Variants in CSMD3 observed in about 807,000 individuals in gnomAD.
CSMD3 encodes CUB and Sushi multiple domains 3.
CSMD3 carries 177 observed loss-of-function variants against 435.2 expected under a neutral mutation model. The observed-to-expected ratio is 0.41, with a 90% CI of 0.36 to 0.46. The LOEUF (loss-of-function observed/expected upper bound fraction) is 0.46. Among genes scored for constraint, CSMD3 ranks in the 20% least tolerant of loss-of-function variants. CSMD3 has a pLI of 0.34. For missense variants in CSMD3, 4,265 were observed against 4,504.6 expected (o/e 0.95, Z 1.52); for synonymous variants, 1,656 against 1,520.5 (o/e 1.09, Z -2.07).
chr8:112,353,936 G>C (rs2131298), intron 38 of CSMD3, among the ~76,000 whole-genome samples: 65,277 of 151,876 alleles, frequency 0.43, 14,667 homozygotes, highest in Middle Eastern at 0.54. Context: ...AACACAGTTC[G>C]TAAAATCCTC....
At chr8:112,613,036 G>T (rs1833389535) in intron 22 of CSMD3, among the ~76,000 whole-genome samples, 1 of 151,826 alleles carries the variant, frequency 6.6e-6, no homozygotes, top group Non-Finnish European at 1.5e-5. Context: ...CCTCCAAAAG[G>T]TGCTGGGATT....
chr8:112,555,521 T>C (rs1828039592), intron 25 of CSMD3, among the ~76,000 whole-genome samples: 1 of 152,024 alleles, frequency 6.6e-6, no homozygotes, highest in Non-Finnish European at 1.5e-5. Context: ...TTTGGCAATT[T>C]AATTTGATTA....
In CSMD3 at chr8:112,721,297, G is replaced by A. The variant is rs77665123; in HGVS notation, c.1973-31247C>T. On this transcript the variant is annotated intron_variant, in intron 13 of 70. Coordinates refer to ENST00000297405, the MANE Select transcript of CSMD3 (RefSeq NM_198123.2). ...CATTAGAAATGTTAAAATATTGGCC[G>A]GGCATGGTGGCTCATTCCTGCAATC... 9.7e-3 allele frequency among the ~76,000 whole-genome samples: 1,470 copies of A among 152,170 alleles called. 12 individuals carry two copies. The highest frequency in any genetic ancestry group is 0.015 in the South Asian group (74 of 4,816).
intron 6 of CSMD3, among the ~76,000 whole-genome samples, chr8:113,008,823 C>T (rs1283070711): frequency 3.3e-5 from 5 of 151,134 alleles, no homozygotes; most frequent in Admixed American, 1.3e-4. Flanking sequence ...ATCATAATTG[C>T]TAACAACCTA....
rs118008109 is a variant in CSMD3 at position 112,894,210 on chromosome 8, C to T, written c.1633+27417G>A. On this transcript the variant is annotated intron_variant, in intron 10 of 70. Coordinates refer to ENST00000297405, the MANE Select transcript of CSMD3 (RefSeq NM_198123.2). ...TAAAAAATGCTTTTCAGGATTATAG[C>T]CTCAACTGTGAGAGATTCATTTGTA... 9.2e-5 allele frequency among the ~76,000 whole-genome samples: 14 copies of T among 151,558 alleles called. No homozygotes were observed. In the East Asian group the frequency reaches 2.4e-3, roughly 26 times the overall value.
chr8:113,228,446 T>C (rs2093051166), intron 3 of CSMD3, among the ~76,000 whole-genome samples: 1 of 151,524 alleles, frequency 6.6e-6, no homozygotes. Context: ...TAGTCTCAGA[T>C]AAAAAATTCA....
chr8:112,889,326 T>A (rs149368893), intron 10 of CSMD3, among the ~76,000 whole-genome samples: 1 of 151,678 alleles, frequency 6.6e-6, no homozygotes, highest in East Asian at 2.0e-4. Context: ...TCAGCCTCCA[T>A]GATCCTTTCA....
Position 112,295,835 on chromosome 8 carries a change from A to G in CSMD3, c.8612T>C (p.Val2871Ala). 6.2e-7 allele frequency: 1 copy of G among 1,613,914 alleles called. No individual in the cohort carries two copies. Among genetic ancestry groups the G allele is most frequent in the African/African-American group, 1.3e-5 (1 of 75,034 alleles). ...HNWSGQLPSC[V>A]PVSCGHPGSP... ...TTGCTTTTGCCATGCTTACTTACGC[A>G]CACAGGATGGGAGCTGACCAGACCA... The change falls in exon 54 of 71, where the codon GTG becomes GCG. Residue 2871 changes from valine to alanine, a missense_variant and splice_region_variant. Val to Ala is a moderately conservative substitution (Grantham distance 64). This residue lies in a region of CSMD3 where 3,255 missense variants were observed against 3,380.2 expected (regional missense o/e 0.96). Coordinates refer to ENST00000297405, the MANE Select transcript of CSMD3 (RefSeq NM_198123.2).
intron 2 of CSMD3, among the ~76,000 whole-genome samples, chr8:113,304,812 C>T (rs1314502760): frequency 8.0e-6 from 1 of 125,280 alleles, no homozygotes; most frequent in African/African-American, 3.0e-5. Flanking sequence ...GTACCTAATG[C>T]TAGATGACGA....
intron 9 of CSMD3, among the ~76,000 whole-genome samples, chr8:112,940,581 T>C (rs954106792): frequency 2.6e-5 from 4 of 151,800 alleles, no homozygotes; most frequent in Admixed American, 6.6e-5. Context: ...TTTGGCAGCA[T>C]TTCTCCCTTT....
intron 20 of CSMD3, among the ~76,000 whole-genome samples, chr8:112,640,936 T>C (rs2131596862): frequency 6.6e-6 from 1 of 152,296 alleles, no homozygotes; most frequent in Non-Finnish European, 1.5e-5. Context: ...AAAATGTGCT[T>C]GTTCTGAAAT....
At chr8:112,532,759 A>G (rs1825660269) in intron 27 of CSMD3, among the ~76,000 whole-genome samples, 1 of 152,182 alleles carries the variant, frequency 6.6e-6, no homozygotes, top group African/African-American at 2.4e-5. Flanking sequence ...CTGAAAGTAT[A>G]AAACTCACTG....
At chr8:112,445,586 C>T (rs1815511112) in intron 32 of CSMD3, among the ~76,000 whole-genome samples, 1 of 152,152 alleles carries the variant, frequency 6.6e-6, no homozygotes, top group Admixed American at 6.5e-5. Context: ...AAGGAGATGG[C>T]ACTAAGCCAT....
chr8:112,972,560 T>C (rs901838160), intron 7 of CSMD3, among the ~76,000 whole-genome samples: 2 of 151,868 alleles, frequency 1.3e-5, no homozygotes, highest in Admixed American at 1.3e-4. Context: ...ATGAAAATAT[T>C]GTTGCCTTTA....
chr8:112,583,132 T>A lies in CSMD3; in HGVS notation c.3885+3934A>T, dbSNP rs376939782. 7.9e-5 allele frequency among the ~76,000 whole-genome samples: 12 copies of A among 152,186 alleles called. 1 individual carries two copies. Among genetic ancestry groups the A allele is most frequent in the African/African-American group, 2.9e-4 (12 of 41,558 alleles). ...GTAATTTACAAAGGTGAGAAATGATTGGTTCCGGAAGTGTGAAGAAAAGAA... is the reference window on the plus strand; with the variant it reads ...GTAATTTACAAAGGTGAGAAATGATAGGTTCCGGAAGTGTGAAGAAAAGAA... On this transcript the variant is annotated intron_variant, in intron 23 of 70. Transcript: ENST00000297405.
intron 1 of CSMD3, among the ~76,000 whole-genome samples, chr8:113,323,754 A>C (rs2093964607): frequency 6.6e-6 from 1 of 152,210 alleles, no homozygotes; most frequent in Admixed American, 6.5e-5. Context: ...GAAAAACCTA[A>C]GCACTGAATG....
At chr8:112,465,906 C>T (rs1015130513) in intron 32 of CSMD3, among the ~76,000 whole-genome samples, 1 of 148,764 alleles carries the variant, frequency 6.7e-6, no homozygotes, top group African/African-American at 2.5e-5. Flanking sequence ...ACCCAGGAGG[C>T]GAAGGTTGCA....
At chr8:112,796,068 C>T in intron 13 of CSMD3, among the ~76,000 whole-genome samples, 1 of 151,968 alleles carries the variant, frequency 6.6e-6, no homozygotes, top group Non-Finnish European at 1.5e-5. Flanking sequence ...TGATGTGTAC[C>T]TGATGAGCTA....
rs76557456 is a variant in CSMD3 at position 112,240,468 on chromosome 8, G to A, written c.10468+1252C>T. 1.2e-3 allele frequency among the ~76,000 whole-genome samples: 177 copies of A among 151,966 alleles called. 1 individual carries two copies. Among genetic ancestry groups the A allele is most frequent in the East Asian group, 7.5e-3 (39 of 5,170 alleles). ...CCTCAATGGCATTCAGCATGTTTTC[G>A]ACAAGTGTTGAATGTATCAGTATAA... On this transcript the variant is annotated intron_variant, in intron 66 of 70. Coordinates refer to ENST00000297405, the MANE Select transcript of CSMD3 (RefSeq NM_198123.2).
Sources: gnomAD v4.1 joint callset for allele counts (sites outside exome capture counted in the v4.1 genomes callset) on GRCh38, gnomAD v4.1.1 for gene constraint, gnomAD v4.1.1 regional missense constraint, MANE v1.5 for transcripts, NCBI Gene and HGNC (gene_info 2026-07-23, HGNC 2026-07-21) for gene names.